Variants in TEX11 observed in about 807,000 individuals in gnomAD.
TEX11 encodes testis expressed 11, also known as testis-expressed protein 11.
A neutral mutation model predicts 84.4 loss-of-function variants in TEX11; 7 were observed. The ratio of observed to expected loss-of-function variants is 0.08; its 90% confidence interval spans 0.05 to 0.16. TEX11 has a LOEUF of 0.16. TEX11 is among the 10% of genes least tolerant of loss of function. The pLI is 1.00. For missense variants in TEX11, 551 were observed against 660.5 expected, an observed-to-expected ratio of 0.83 and a Z score of 1.82; for synonymous variants, 264 against 222.8, an observed-to-expected ratio of 1.18 and a Z score of -1.64.
At chrX:70,765,635 CTT>C (rs2090935244) in intron 9 of TEX11, among the ~76,000 whole-genome samples, 1 of 111,447 alleles carries the variant, frequency 9.0e-6, no homozygotes. Flanking sequence ...AGGAACATAA[CTT>C]AACATAATAA....
intron 7 of TEX11, among the ~76,000 whole-genome samples, chrX:70,845,674 A>C (rs1331460024): frequency 3.6e-5 from 4 of 110,334 alleles, no homozygotes; most frequent in Non-Finnish European, 7.6e-5. Flanking sequence ...CTAAAAATAC[A>C]AAAATTAGCC....
chrX:70,872,635 T>C (rs1195003600), intron 4 of TEX11, among the ~76,000 whole-genome samples: 1 of 112,334 alleles, frequency 8.9e-6, no homozygotes. Context: ...TGCCAGACAG[T>C]GGACCACATT....
intron 25 of TEX11, among the ~76,000 whole-genome samples, chrX:70,564,547 C>T (rs1404112296): frequency 1.0e-5 from 1 of 99,913 alleles, no homozygotes; most frequent in Non-Finnish European, 2.0e-5. Flanking sequence ...AAAGCTATCC[C>T]TCGCCCCTCC....
intron 17 of TEX11, among the ~76,000 whole-genome samples, chrX:70,639,054 G>GCCCA (rs2089611425): frequency 2.7e-5 from 3 of 110,347 alleles, no homozygotes; most frequent in Non-Finnish European, 5.7e-5. Flanking sequence ...CAGTGGGTGC[G>GCCCA]CCCACCGTGC....
intron 9 of TEX11, among the ~76,000 whole-genome samples, chrX:70,797,477 A>G (rs1374139589): frequency 9.0e-6 from 1 of 110,875 alleles, no homozygotes; most frequent in Non-Finnish European, 1.9e-5. Context: ...CTTAACGCCA[A>G]TCCTTCTCAA....
intron 8 of TEX11, among the ~76,000 whole-genome samples, chrX:70,822,339 T>C (rs773185584): frequency 1.8e-5 from 2 of 111,253 alleles, no homozygotes; most frequent in Admixed American, 9.6e-5. Context: ...GATTTTGAGA[T>C]ATCTGCACTC....
intron 2 of TEX11, among the ~76,000 whole-genome samples, chrX:70,887,381 C>T (rs142973700): frequency 2.7e-5 from 3 of 112,003 alleles, no homozygotes; most frequent in African/African-American, 9.7e-5. Flanking sequence ...GAAGATTCAC[C>T]AGAAGCTGAC....
intron 9 of TEX11, among the ~76,000 whole-genome samples, chrX:70,787,742 G>C (rs752583699): frequency 5.4e-5 from 6 of 111,659 alleles, no homozygotes; most frequent in Non-Finnish European, 1.1e-4. Flanking sequence ...AATTGTATCA[G>C]ATGCTGACAA....
intron 9 of TEX11, among the ~76,000 whole-genome samples, chrX:70,753,890 T>C (rs909560148): frequency 2.7e-5 from 3 of 109,863 alleles, no homozygotes; most frequent in Admixed American, 9.8e-5. Flanking sequence ...TCTAGAATCA[T>C]TCATCATCTG....
rs2088676262 is a variant in TEX11 at position 70,576,550 on chromosome X, A to G, written c.2140+15201T>C. On this transcript the variant is annotated intron_variant, in intron 25 of 29. Coordinates refer to ENST00000374333, the MANE Select transcript of TEX11 (RefSeq NM_031276.3). The stretch of plus-strand genomic sequence containing the variant: ...CTTAAACACACTAATACTTGTTCCA[A>G]GAGCTATCAAGTGTTAAGTTTGGTG... Among the ~76,000 whole-genome samples, 3 of 112,731 alleles carry G rather than the reference A, an allele frequency of 2.7e-5. No individual in the cohort carries two copies. In the Admixed American group the frequency reaches 2.8e-4, roughly 11 times the overall value.
In TEX11 at chrX:70,679,028, C is replaced by T. The variant is rs12008491; in HGVS notation, c.1157-139G>A. ...CCTCTGATGCCGAGCTGAAGCTGGA[C>T]GGTACTGCTGCCTGATTCTCCTGCC... On this transcript the variant is annotated intron_variant, in intron 14 of 29. Transcript: ENST00000374333. 3.2e-3 allele frequency: 1,616 copies of T among 497,589 alleles called. 20 individuals are homozygous for T. The highest frequency in any genetic ancestry group is 0.03 in the African/African-American group (1,254 of 41,479). 41.0% of individuals were successfully genotyped at this position (497,589 alleles called of 1,213,427 possible). A position where few individuals can be genotyped will look rare whatever the true frequency, so the allele number is the denominator to read the frequency against.
At chrX:70,539,121 G>A (rs1283852453) in intron 28 of TEX11, among the ~76,000 whole-genome samples, 3 of 98,017 alleles carry the variant, frequency 3.1e-5, no homozygotes, top group Non-Finnish European at 6.0e-5. Context: ...TGCAATCTCC[G>A]CCTCCTAGGT....
chrX:70,574,644 A>G (rs1181486281), intron 25 of TEX11, among the ~76,000 whole-genome samples: 1 of 111,858 alleles, frequency 8.9e-6, no homozygotes, highest in Non-Finnish European at 1.9e-5. Context: ...ATTATATGCC[A>G]GGCAAAACTT....
chrX:70,853,067 G>C lies in TEX11; in HGVS notation c.492C>G (p.Asp164Glu). The change falls in exon 7 of 30, where the codon GAC becomes GAG. Residue 164 changes from aspartate to glutamate, a missense_variant. By Grantham distance (45) the Asp-to-Glu change is conservative. Coordinates refer to ENST00000374333, the MANE Select transcript of TEX11 (RefSeq NM_031276.3). ...LTMEKITVES[D>E]HFRVLSYQAE... ...CTTGGTAAGAAAGCACTCTGAAGTG[G>C]TCACTCTCAACAGTAATCTTCTCCA... is the stretch of plus-strand genomic sequence containing the variant. The C allele has an allele frequency of 8.3e-7, 1 of 1,208,917 alleles. No homozygotes were observed. The highest frequency in any genetic ancestry group is 1.1e-6 in the Non-Finnish European group (1 of 893,983).
At chrX:70,621,102 A>G (rs958444131) in intron 20 of TEX11, among the ~76,000 whole-genome samples, 1 of 111,295 alleles carries the variant, frequency 9.0e-6, no homozygotes, top group African/African-American at 3.3e-5. Context: ...AGCTTCATCA[A>G]TTGTAATAAC....
At chrX:70,536,782 G>A (rs2087964618) in intron 28 of TEX11, among the ~76,000 whole-genome samples, 1 of 112,114 alleles carries the variant, frequency 8.9e-6, no homozygotes, top group Non-Finnish European at 1.9e-5. Flanking sequence ...TACAAAAAAT[G>A]TTTTGGTTCA....
At chrX:70,664,868 A>C (rs764122188) in intron 16 of TEX11, among the ~76,000 whole-genome samples, 246 of 107,629 alleles carry the variant, frequency 2.3e-3, no homozygotes, top group African/African-American at 7.9e-3. Flanking sequence ...AAAAAAAAAA[A>C]AACCCTCAGA....
rs146137421 is a variant in TEX11, at chrX:70,537,829, C to T, written c.2521-7830G>A. ...CGGAAACTGTGAGGTACAAGAATTG[C>T]TAACATGGATGCCAAAGTCACTTAG... On this transcript the variant is annotated intron_variant, in intron 28 of 29. Coordinates refer to ENST00000374333, the MANE Select transcript of TEX11 (RefSeq NM_031276.3). Among the ~76,000 whole-genome samples, 794 of 111,289 alleles carry T rather than the reference C, an allele frequency of 7.1e-3. 22 individuals carry two copies. In the East Asian group the frequency reaches 0.12, roughly 16 times the overall value.
chrX:70,879,153 T>G (rs2091670363), intron 3 of TEX11, among the ~76,000 whole-genome samples: 1 of 110,550 alleles, frequency 9.0e-6, no homozygotes, highest in South Asian at 3.9e-4. Flanking sequence ...TGGAGAGTGT[T>G]TGTGAACGGG....
Sources: allele counts gnomAD v4.1 joint callset (sites outside exome capture counted in the v4.1 genomes callset), GRCh38; gene constraint gnomAD v4.1.1; transcripts MANE v1.5; gene names NCBI Gene and HGNC (gene_info 2026-07-23, HGNC 2026-07-21).